Variants in CNOT6L observed in about 807,000 individuals in gnomAD.
The protein encoded by CNOT6L is CCR4-NOT transcription complex subunit 6 like, also known as CCR4-NOT transcription complex subunit 6-like.
In CNOT6L, 7 loss-of-function variants were observed where a neutral mutation model predicts 64.0. The observed-to-expected ratio is 0.11, with a 90% CI of 0.06 to 0.21. The LOEUF (loss-of-function observed/expected upper bound fraction) is 0.21. Among genes scored for constraint, CNOT6L ranks in the 10% least tolerant of loss-of-function variants. The pLI, the probability that CNOT6L is intolerant of heterozygous loss-of-function variation, is 1.00. For synonymous variants in CNOT6L, 193 were observed against 243.4 expected (o/e 0.79, Z 1.93); for missense variants, 245 against 669.0 (o/e 0.37, Z 6.99).
intron 1 of CNOT6L, among the ~76,000 whole-genome samples, chr4:77,807,381 T>TA (rs1032655951): frequency 1.5e-4 from 22 of 147,358 alleles, no homozygotes; most frequent in Admixed American, 8.8e-4. Flanking sequence ...CTCCATCTCT[T>TA]AAAAAAAAAA....
Position 77,719,645 on chromosome 4 carries a change from T to C in CNOT6L, c.*786A>G, listed in dbSNP as rs1330648505. 6.6e-6 allele frequency: 1 copy of C among 152,640 alleles called. No homozygotes were observed. Among genetic ancestry groups the C allele is most frequent in the Non-Finnish European group, 1.5e-5 (1 of 68,032 alleles). The allele number at this position is 152,640 out of a possible 1,614,324, so 9.5% of individuals were successfully genotyped here. The stretch of plus-strand genomic sequence containing the variant: ...TGGGCATCCTAAACATACCACATTC[T>C]ATTTTCAAGGTATGTGGCAATACAG... On this transcript the variant is annotated 3_prime_UTR_variant, in exon 12 of 12. Coordinates refer to ENST00000504123, the MANE Select transcript of CNOT6L (RefSeq NM_144571.3).
rs1216237934 is a variant in CNOT6L, at chr4:77,718,185, T to C, written c.*2246A>G. 6.6e-6 allele frequency: 1 copy of C among 152,534 alleles called. No individual in the cohort carries two copies. Among genetic ancestry groups the C allele is most frequent in the Non-Finnish European group, 1.5e-5 (1 of 68,006 alleles). The allele number at this position is 152,534 out of a possible 1,614,324, so 9.4% of individuals were successfully genotyped here. A position where few individuals can be genotyped will look rare whatever the true frequency, so the allele number is the denominator to read the frequency against. On this transcript the variant is annotated 3_prime_UTR_variant, in exon 12 of 12. Coordinates refer to ENST00000504123, the MANE Select transcript of CNOT6L (RefSeq NM_144571.3). ...AAAAAATATTGGGAGTGAAGTATGG[T>C]AGGAAATATTGCTCACATTGCTAAT...
chr4:77,819,247 G>C, intron 1 of CNOT6L, 57 bp downstream of exon 1: 2 of 1,613,158 alleles, frequency 1.2e-6, no homozygotes, highest in Non-Finnish European at 1.7e-6. Context: ...TTTCCCCGGG[G>C]ACGCGCTCCT....
intron 1 of CNOT6L, among the ~76,000 whole-genome samples, chr4:77,780,568 T>C (rs1022846320): frequency 6.6e-6 from 1 of 152,204 alleles, no homozygotes; most frequent in African/African-American, 2.4e-5. Flanking sequence ...TTTCTTAGCG[T>C]GTCTCCTACA....
At chr4:77,754,271 T>C (rs140019418) in intron 5 of CNOT6L, among the ~76,000 whole-genome samples, 206 of 152,328 alleles carry the variant, frequency 1.4e-3, no homozygotes, top group African/African-American at 4.5e-3. Context: ...CAAAACTCAA[T>C]TGTATTCCAT....
chr4:77,789,452 G>A (rs1488683943), intron 1 of CNOT6L, among the ~76,000 whole-genome samples: 1 of 151,980 alleles, frequency 6.6e-6, no homozygotes, highest in African/African-American at 2.4e-5. Context: ...TGAGGTGGGA[G>A]GGCTGTTTGA....
At chr4:77,818,445 A>G (rs1438255464) in intron 1 of CNOT6L, among the ~76,000 whole-genome samples, 1 of 152,084 alleles carries the variant, frequency 6.6e-6, no homozygotes, top group Non-Finnish European at 1.5e-5. Flanking sequence ...TGTTTGTCTA[A>G]TTAAAAAAAA....
chr4:77,818,413 T>C (rs1289734406), intron 1 of CNOT6L, among the ~76,000 whole-genome samples: 1 of 152,118 alleles, frequency 6.6e-6, no homozygotes, highest in African/African-American at 2.4e-5. Flanking sequence ...TTTCCCTTTC[T>C]TCCTCAGCCC....
chr4:77,812,549 C>A (rs1379535490), intron 1 of CNOT6L, among the ~76,000 whole-genome samples: 2 of 148,084 alleles, frequency 1.4e-5, no homozygotes, highest in Admixed American at 6.9e-5. Context: ...CATGCAAAAA[C>A]CCCCCAAATT....
chr4:77,779,063 C>CAAAAAAAA (rs879638003), intron 1 of CNOT6L, among the ~76,000 whole-genome samples: 1 of 71,272 alleles, frequency 1.4e-5, no homozygotes. Context: ...AAAAAAAAAA[C>CAAAAAAAA]AAAAAAAAAA....
intron 5 of CNOT6L, among the ~76,000 whole-genome samples, chr4:77,754,888 T>TAAAAAAAAAAAA: frequency 0.033 from 1,206 of 36,844 alleles, 299 homozygotes; most frequent in Non-Finnish European, 0.036. Context: ...ACATTAGAAG[T>TAAAAAAAAAAAA]AAAAAAAAAA....
At chr4:77,778,475 G>A (rs537712198) in intron 1 of CNOT6L, among the ~76,000 whole-genome samples, 9 of 151,668 alleles carry the variant, frequency 5.9e-5, no homozygotes, top group Admixed American at 3.9e-4. Context: ...TCGAGATCTC[G>A]ACTCACTGCA....
At chr4:77,806,872 C>T (rs1272215174) in intron 1 of CNOT6L, among the ~76,000 whole-genome samples, 1 of 152,178 alleles carries the variant, frequency 6.6e-6, no homozygotes, top group East Asian at 1.9e-4. Flanking sequence ...AACTATAGAT[C>T]TGCTGATATG....
intron 6 of CNOT6L, among the ~76,000 whole-genome samples, chr4:77,746,658 T>G (rs1724233368): frequency 6.6e-6 from 1 of 152,184 alleles, no homozygotes; most frequent in South Asian, 2.1e-4. Context: ...AATCTTTTCT[T>G]CAAGATTATG....
chr4:77,773,782 T>C (rs990766099), intron 3 of CNOT6L, among the ~76,000 whole-genome samples: 51 of 152,144 alleles, frequency 3.4e-4, no homozygotes, highest in African/African-American at 1.1e-3. Flanking sequence ...ATCACTGACA[T>C]GAAACATAAA....
Position 77,720,351 on chromosome 4 carries a change from T to C in CNOT6L, c.*80A>G, listed in dbSNP as rs1721151060. The C allele has an allele frequency of 7.5e-7, 1 of 1,332,338 alleles. No homozygotes were observed. Among genetic ancestry groups the C allele is most frequent in the Non-Finnish European group, 1.1e-6 (1 of 949,896 alleles). The allele number at this position is 1,332,338 out of a possible 1,614,324, so 82.5% of individuals were successfully genotyped here. A position where few individuals can be genotyped will look rare whatever the true frequency, so the allele number is the denominator to read the frequency against. On this transcript the variant is annotated 3_prime_UTR_variant, in exon 12 of 12. Transcript: ENST00000504123. ...TGAAGAAGCAGCTTAAGGATGGCCA[T>C]ACTTCACTCCTACATACTTTGATTT...
chr4:77,794,239 T>G (rs1193320398), intron 1 of CNOT6L, among the ~76,000 whole-genome samples: 4 of 150,432 alleles, frequency 2.7e-5, no homozygotes, highest in African/African-American at 4.9e-5. Flanking sequence ...TCAACCTTGG[T>G]TGGCCTTTAT....
At position 77,791,630 on chromosome 4, in the gene CNOT6L, T is replaced by G. The variant is rs76603979; in HGVS notation, c.6-15238A>C. ...CTAATACTAATGCATATAATTTCTCTAAGGCTCATTCTTCTGTTGTACTCA... is the reference window on the plus strand; with the variant it reads ...CTAATACTAATGCATATAATTTCTCGAAGGCTCATTCTTCTGTTGTACTCA... On this transcript the variant is annotated intron_variant, in intron 1 of 11. Coordinates refer to ENST00000504123, the MANE Select transcript of CNOT6L (RefSeq NM_144571.3). 4.6e-3 allele frequency among the ~76,000 whole-genome samples: 708 copies of G among 152,316 alleles called. 4 individuals carry two copies. Among genetic ancestry groups the G allele is most frequent in the African/African-American group, 0.016 (684 of 41,566 alleles).
At chr4:77,795,800 G>A (rs901788498) in intron 1 of CNOT6L, among the ~76,000 whole-genome samples, 7 of 151,936 alleles carry the variant, frequency 4.6e-5, no homozygotes, top group African/African-American at 9.7e-5. Flanking sequence ...CCAGTACACT[G>A]GAAACTATAA....
Sources: allele counts gnomAD v4.1 joint callset (sites outside exome capture counted in the v4.1 genomes callset), GRCh38; gene constraint gnomAD v4.1.1; transcripts MANE v1.5; gene names NCBI Gene and HGNC (gene_info 2026-07-23, HGNC 2026-07-21).